ABCC4: variants seen among roughly 807,000 people sequenced by gnomAD.
ABCC4 encodes the protein ATP-binding cassette sub-family C member 4.
A neutral mutation model predicts 168.5 loss-of-function variants in ABCC4; 102 were observed. The observed-to-expected ratio is 0.61, with a 90% confidence interval of 0.52 to 0.71. The LOEUF is 0.71. ABCC4 is among the 30% of genes least tolerant of loss of function. The pLI is 0.00. For synonymous variants in ABCC4, 617 were observed against 590.7 expected (o/e 1.04, Z -0.65); for missense variants, 1,402 against 1,605.8 (o/e 0.87, Z 2.17).
At chr13:95,291,355 CAAAAA>C (rs773811081) in intron 1 of ABCC4, among the ~76,000 whole-genome samples, 1 of 134,710 alleles carries the variant, frequency 7.4e-6, no homozygotes, top group Non-Finnish European at 1.6e-5. Context: ...GATCCTGTCT[CAAAAA>C]AAAAAAAAAG....
intron 4 of ABCC4, among the ~76,000 whole-genome samples, chr13:95,212,918 G>A (rs9516539): frequency 0.75 from 113,268 of 151,936 alleles, 43,029 homozygotes; most frequent in Non-Finnish European, 0.84. Context: ...ACCTGAGGTC[G>A]GGAGTTCGAG....
At chr13:95,179,244 G>T (rs774710193) in intron 11 of ABCC4, among the ~76,000 whole-genome samples, 2 of 151,992 alleles carry the variant, frequency 1.3e-5, no homozygotes, top group Non-Finnish European at 2.9e-5. Context: ...GATAACACCC[G>T]CCCCATCTTC....
intron 16 of ABCC4, 64 bp from the exon 17 acceptor site, chr13:95,163,711 C>T: frequency 7.3e-7 from 1 of 1,363,150 alleles, no homozygotes; most frequent in Non-Finnish European, 1.0e-6. Context: ...ACTCAAAACT[C>T]TCAATCGCTA....
intron 4 of ABCC4, among the ~76,000 whole-genome samples, chr13:95,220,030 T>C (rs1373302496): frequency 6.6e-6 from 1 of 151,628 alleles, no homozygotes; most frequent in African/African-American, 2.4e-5. Flanking sequence ...TAATTTTTTT[T>C]TTTTTTTTTA....
intron 7 of ABCC4, among the ~76,000 whole-genome samples, 166 bp from the exon 8 acceptor site, chr13:95,206,947 G>A (rs961405062): frequency 2.0e-5 from 3 of 152,148 alleles, no homozygotes; most frequent in African/African-American, 7.2e-5. Flanking sequence ...GGTGAGAGGT[G>A]GCCAGGAACT....
intron 30 of ABCC4, among the ~76,000 whole-genome samples, chr13:95,022,061 C>T (rs780801962): frequency 1.3e-5 from 2 of 152,132 alleles, no homozygotes; most frequent in Non-Finnish European, 2.9e-5. Flanking sequence ...CATTTTCACA[C>T]GTAAAATGAG....
intron 4 of ABCC4, among the ~76,000 whole-genome samples, chr13:95,232,647 A>C (rs1006204183): frequency 1.3e-5 from 2 of 151,392 alleles, no homozygotes; most frequent in African/African-American, 4.9e-5. Context: ...ACTACACTCC[A>C]GCCTGGGCGA....
At chr13:95,243,111 T>C (rs996034215) in intron 3 of ABCC4, among the ~76,000 whole-genome samples, 3 of 152,180 alleles carry the variant, frequency 2.0e-5, no homozygotes, top group African/African-American at 7.2e-5. Flanking sequence ...AGTGCTCTCT[T>C]GTGAAAAGCC....
Position 95,267,438 on chromosome 13 carries a change from CCT to C in ABCC4, c.75-19687_75-19686del, listed in dbSNP as rs1203950696. On this transcript the variant is annotated intron_variant, in intron 1 of 30. Transcript: ENST00000645237. ...CAGCCACATGGAACTGTCCATTAAACCTCTTTCTTTTGTACACTGCCCAGTCT... is the reference window on the plus strand; with the variant it reads ...CAGCCACATGGAACTGTCCATTAAACCTTTCTTTTGTACACTGCCCAGTCT... 2.6e-5 allele frequency among the ~76,000 whole-genome samples: 4 copies of C among 152,186 alleles called. No individual in the cohort carries two copies. The East Asian group carries it at 7.7e-4, about 29-fold the overall frequency.
At chr13:95,288,963 C>T (rs1378025718) in intron 1 of ABCC4, among the ~76,000 whole-genome samples, 1 of 152,178 alleles carries the variant, frequency 6.6e-6, no homozygotes, top group Non-Finnish European at 1.5e-5. Context: ...AGCTCTGTTA[C>T]ATTGAGAGCT....
chr13:95,260,513 C>A (rs904748483), intron 1 of ABCC4, among the ~76,000 whole-genome samples: 8 of 152,008 alleles, frequency 5.3e-5, no homozygotes, highest in African/African-American at 1.4e-4. Flanking sequence ...TAGTCAGGTA[C>A]CTGGGAAGTT....
chr13:95,188,933 T>A (rs1294603004), intron 9 of ABCC4, among the ~76,000 whole-genome samples: 1 of 152,026 alleles, frequency 6.6e-6, no homozygotes, highest in Non-Finnish European at 1.5e-5. Flanking sequence ...AACGTGCAGG[T>A]TTGTTACATA....
intron 1 of ABCC4, among the ~76,000 whole-genome samples, chr13:95,287,295 A>G (rs2041282908): frequency 6.6e-6 from 1 of 150,658 alleles, no homozygotes; most frequent in Non-Finnish European, 1.5e-5. Context: ...CTGTCTCCAA[A>G]AAAAGAGAAC....
Position 95,210,920 on chromosome 13 carries a change from CCT to C in ABCC4, c.532-141_532-140del, listed in dbSNP as rs1318327629. ...AAGCATCCCCACCCCCCCACTGCCC[CCT>C]CTCTCTGCCCCACCAGCACCTTTAG... On this transcript the variant is annotated intron_variant, in intron 4 of 30. Coordinates refer to ENST00000645237, the MANE Select transcript of ABCC4 (RefSeq NM_005845.5). 5.1e-6 allele frequency: 3 copies of C among 589,690 alleles called. No homozygotes were observed. The African/African-American group carries it at 5.6e-5, about 11-fold the overall frequency. 36.5% of individuals were successfully genotyped at this position (589,690 alleles called of 1,614,324 possible).
intron 20 of ABCC4, among the ~76,000 whole-genome samples, chr13:95,093,446 T>C (rs371002604): frequency 6.6e-6 from 1 of 152,194 alleles, no homozygotes; most frequent in Non-Finnish European, 1.5e-5. Flanking sequence ...AAAAATCACA[T>C]AATCATCTCA....
At chr13:95,150,058 C>G (rs2036622941) in intron 19 of ABCC4, among the ~76,000 whole-genome samples, 1 of 152,146 alleles carries the variant, frequency 6.6e-6, no homozygotes, top group Non-Finnish European at 1.5e-5. Flanking sequence ...ACTGCAGCTT[C>G]TAACATTTGG....
chr13:95,223,193 A>C (rs1197778877), intron 4 of ABCC4, among the ~76,000 whole-genome samples: 1 of 152,208 alleles, frequency 6.6e-6, no homozygotes. Flanking sequence ...ATTGGAGTAA[A>C]ATTCAATACT....
chr13:95,251,466 G>C (rs889987376), intron 1 of ABCC4, among the ~76,000 whole-genome samples: 6 of 152,138 alleles, frequency 3.9e-5, no homozygotes, highest in African/African-American at 1.4e-4. Flanking sequence ...ATATTCTTCA[G>C]AAGCCAAGCC....
intron 1 of ABCC4, chr13:95,266,159 C>T (rs1053149441): frequency 1.3e-5 from 2 of 152,200 alleles, no homozygotes; most frequent in Non-Finnish European, 2.9e-5. Context: ...GGTATTTGCA[C>T]ATGGAATTAA....
Sources: allele counts gnomAD v4.1 joint callset (sites outside exome capture counted in the v4.1 genomes callset), GRCh38; gene constraint gnomAD v4.1.1; transcripts MANE v1.5; gene names NCBI Gene and HGNC (gene_info 2026-07-23, HGNC 2026-07-21).